The following ARSJ variants were observed in gnomAD, a reference collection of about 807,000 sequenced individuals.
ARSJ encodes the protein arylsulfatase family member J.
Under a neutral mutation model 35.9 loss-of-function variants are expected in ARSJ, and 26 were observed. The ratio of observed to expected loss-of-function variants is 0.72; its 90% CI spans 0.53 to 1.00. The LOEUF (loss-of-function observed/expected upper bound fraction) is 1.00. Among genes scored for constraint, ARSJ ranks in the 50% least tolerant of loss-of-function variants. The pLI is 0.00. For synonymous variants in ARSJ, 294 were observed against 267.6 expected, an observed-to-expected ratio of 1.10 and a Z score of -0.96; for missense variants, 667 against 723.6, an observed-to-expected ratio of 0.92 and a Z score of 0.90.
At chr4:113,928,737 G>A (rs1201699349) in intron 1 of ARSJ, among the ~76,000 whole-genome samples, 1 of 152,142 alleles carries the variant, frequency 6.6e-6, no homozygotes, top group South Asian at 2.1e-4. Flanking sequence ...TGTTAGATCT[G>A]ACATACAGAG....
At chr4:113,931,762 A>T (rs950311450) in intron 1 of ARSJ, among the ~76,000 whole-genome samples, 1 of 152,070 alleles carries the variant, frequency 6.6e-6, no homozygotes, top group Non-Finnish European at 1.5e-5. Context: ...AATAAAAACC[A>T]TTAGAATCAA....
chr4:113,956,041 C>T (rs1352312387), intron 1 of ARSJ, among the ~76,000 whole-genome samples: 1 of 152,008 alleles, frequency 6.6e-6, no homozygotes, highest in East Asian at 1.9e-4. Flanking sequence ...CCTCAACCTC[C>T]TTGCCTCAAG....
intron 1 of ARSJ, among the ~76,000 whole-genome samples, chr4:113,942,313 A>G (rs1725207664): frequency 6.6e-6 from 1 of 152,038 alleles, no homozygotes. Context: ...TCAATATTTT[A>G]TAAGTAAAGC....
intron 1 of ARSJ, among the ~76,000 whole-genome samples, chr4:113,926,662 C>T (rs1457055475): frequency 6.6e-6 from 1 of 152,122 alleles, no homozygotes; most frequent in African/African-American, 2.4e-5. Context: ...AGATCATGTA[C>T]ATACCACTTA....
At chr4:113,974,783 A>G (rs543955931) in intron 1 of ARSJ, among the ~76,000 whole-genome samples, 1 of 152,194 alleles carries the variant, frequency 6.6e-6, no homozygotes, top group Admixed American at 6.5e-5. Context: ...AACTGAACAC[A>G]GACATCCCTT....
chr4:113,951,088 G>C (rs1266850168), intron 1 of ARSJ, among the ~76,000 whole-genome samples: 2 of 152,068 alleles, frequency 1.3e-5, no homozygotes, highest in African/African-American at 4.8e-5. Flanking sequence ...ACCCAGGGCA[G>C]TACAGCTATA....
At position 113,972,308 on chromosome 4, in the gene ARSJ, A is replaced by AC. The variant is rs1220148619; in HGVS notation, c.398+6128_398+6129insG. Among the ~76,000 whole-genome samples, 64 of 66,940 alleles carry AC rather than the reference A, an allele frequency of 9.6e-4. 1 individual carries two copies. Among genetic ancestry groups the AC allele is most frequent in the African/African-American group, 2.5e-3 (62 of 25,284 alleles). The allele number at this position is 66,940 out of a possible 152,430, so 43.9% of individuals were successfully genotyped here. A position where few individuals can be genotyped will look rare whatever the true frequency, so the allele number is the denominator to read the frequency against. On this transcript the variant is annotated intron_variant, in intron 1 of 1. Transcript: ENST00000315366. ...AGATGATCTGGAAAAAAAAAAAAAC[A>AC]AAAAAAAAAACCCCACCATGATTTT...
At chr4:113,917,589 A>G (rs1263536231) in intron 1 of ARSJ, among the ~76,000 whole-genome samples, 1 of 152,158 alleles carries the variant, frequency 6.6e-6, no homozygotes, top group Non-Finnish European at 1.5e-5. Context: ...TAGTTAGAAG[A>G]ATATTAAGAG....
At position 113,903,267 on chromosome 4, in the gene ARSJ, A is replaced by G; in HGVS notation, c.807T>C (p.His269=). The change falls in exon 2 of 2, where the codon CAT becomes CAC. Residue 269 remains histidine, a synonymous_variant. Transcript: ENST00000315366. ...IFLYIAYQAV[H]SPLQAPGRYF... is the part of the protein sequence containing the mutation. ...ACCTGCCAGGAGCTTGCAGTGGTGA[A>G]TGAACAGCTTGATAGGCAATATATA... is the stretch of plus-strand genomic sequence containing the variant. The G allele has an allele frequency of 6.2e-7, 1 of 1,614,238 alleles. No homozygotes were observed. The highest frequency in any genetic ancestry group is 1.1e-5 in the South Asian group (1 of 91,084).
intron 1 of ARSJ, among the ~76,000 whole-genome samples, chr4:113,975,336 A>G (rs1226300881): frequency 6.6e-6 from 1 of 152,230 alleles, no homozygotes. Context: ...TACAAATTCA[A>G]TTCAGATTGT....
intron 1 of ARSJ, among the ~76,000 whole-genome samples, chr4:113,925,972 T>C (rs1444784196): frequency 6.6e-6 from 1 of 152,094 alleles, no homozygotes; most frequent in East Asian, 1.9e-4. Context: ...GTGGAGCGCA[T>C]GCATAACCTC....
At chr4:113,943,534 C>A (rs753898915) in intron 1 of ARSJ, 2 of 152,062 alleles carry the variant, frequency 1.3e-5, no homozygotes, top group African/African-American at 2.4e-5. Context: ...GGGCTTCTCA[C>A]TTCCCACAGG....
At position 113,902,893 on chromosome 4, in the gene ARSJ, TC is replaced by T; in HGVS notation, c.1180del (p.Glu394ArgfsTer5). On this transcript the variant is annotated frameshift_variant, in exon 2 of 2. Coordinates refer to ENST00000315366, the MANE Select transcript of ARSJ (RefSeq NM_024590.4). LOFTEE classifies it high-confidence loss of function. ...ATCATAGCCATCTAGTTGAATGTCC[TC>T]ATCAATCTGTCCTTCAGCCAGTGAA... ...LISLAEGQID[E>X]DIQLDGYDIW... The T allele has an allele frequency of 6.2e-7, 1 of 1,614,210 alleles. No individual in the cohort carries two copies. The highest frequency in any genetic ancestry group is 8.5e-7 in the Non-Finnish European group (1 of 1,180,024).
At chr4:113,906,819 T>A in intron 1 of ARSJ, 1 of 445,202 alleles carries the variant, frequency 2.2e-6, no homozygotes, top group South Asian at 1.6e-5. Flanking sequence ...GTAAGGAAGG[T>A]ATATTTATTC....
At chr4:113,950,057 A>G (rs1023992972) in intron 1 of ARSJ, among the ~76,000 whole-genome samples, 4 of 152,114 alleles carry the variant, frequency 2.6e-5, no homozygotes, top group Non-Finnish European at 5.9e-5. Context: ...GTTCATAGAA[A>G]TAGATGCTAT....
At chr4:113,932,544 T>A (rs1357737045) in intron 1 of ARSJ, among the ~76,000 whole-genome samples, 2 of 151,922 alleles carry the variant, frequency 1.3e-5, no homozygotes, top group African/African-American at 4.8e-5. Flanking sequence ...TAGAAATCAA[T>A]TGCAAGGGGA....
At chr4:113,932,540 T>C (rs572187588) in intron 1 of ARSJ, among the ~76,000 whole-genome samples, 1 of 152,006 alleles carries the variant, frequency 6.6e-6, no homozygotes, top group Admixed American at 6.6e-5. Flanking sequence ...AAACTAGAAA[T>C]CAATTGCAAG....
intron 1 of ARSJ, among the ~76,000 whole-genome samples, chr4:113,910,647 C>A (rs1166885761): frequency 6.6e-6 from 1 of 152,074 alleles, no homozygotes; most frequent in Non-Finnish European, 1.5e-5. Context: ...TTTTATCTTT[C>A]AGTTAATTAT....
intron 1 of ARSJ, among the ~76,000 whole-genome samples, chr4:113,904,388 T>C (rs2099668093): frequency 6.6e-6 from 1 of 152,212 alleles, no homozygotes; most frequent in South Asian, 2.1e-4. Context: ...AATCATTAGC[T>C]CCTAGTTTCC....
Sources: allele counts gnomAD v4.1 joint callset (sites outside exome capture counted in the v4.1 genomes callset), GRCh38; gene constraint gnomAD v4.1.1; transcripts MANE v1.5; gene names NCBI Gene and HGNC (gene_info 2026-07-23, HGNC 2026-07-21).